The following PRKCH variants were observed in gnomAD, a reference collection of about 807,000 sequenced individuals.
PRKCH encodes protein kinase C eta.
In PRKCH, 28 loss-of-function variants were observed where a neutral mutation model predicts 82.5. The ratio of observed to expected loss-of-function variants is 0.34; its 90% CI spans 0.25 to 0.47. The LOEUF (loss-of-function observed/expected upper bound fraction) is 0.47, where lower values mean the gene tolerates loss of function less well. Ranked by LOEUF, PRKCH falls within the 20% of genes least tolerant of loss-of-function variation. The pLI, the probability that PRKCH is intolerant of heterozygous loss-of-function variation, is 1.00. For synonymous variants in PRKCH, 322 were observed against 327.4 expected (o/e 0.98, Z 0.18); for missense variants, 705 against 881.8 (o/e 0.80, Z 2.54).
At chr14:61,426,731 C>G (rs1251847624) in intron 2 of PRKCH, among the ~76,000 whole-genome samples, 1 of 152,100 alleles carries the variant, frequency 6.6e-6, no homozygotes, top group Non-Finnish European at 1.5e-5. Flanking sequence ...AAATTTTCAC[C>G]TACAATTATA....
At chr14:61,519,093 G>C (rs933363977) in intron 10 of PRKCH, among the ~76,000 whole-genome samples, 1 of 152,084 alleles carries the variant, frequency 6.6e-6, no homozygotes, top group African/African-American at 2.4e-5. Flanking sequence ...GACCAGCCTG[G>C]GCAATATAGC....
At chr14:61,386,452 G>A (rs937257699) in intron 1 of PRKCH, among the ~76,000 whole-genome samples, 1 of 152,202 alleles carries the variant, frequency 6.6e-6, no homozygotes, top group African/African-American at 2.4e-5. Context: ...AGTAGGAGTG[G>A]AGCAGGGGTA....
chr14:61,356,512 A>T (rs950423813), intron 1 of PRKCH, among the ~76,000 whole-genome samples: 2 of 152,148 alleles, frequency 1.3e-5, no homozygotes, highest in Admixed American at 1.3e-4. Context: ...GGCTTTGACA[A>T]TGGCATATTT....
intron 1 of PRKCH, among the ~76,000 whole-genome samples, chr14:61,383,701 G>A (rs1315347353): frequency 5.9e-5 from 9 of 151,968 alleles, no homozygotes; most frequent in Non-Finnish European, 1.5e-5. Context: ...TGAATGAATA[G>A]ATAGGTGCGG....
intron 1 of PRKCH, among the ~76,000 whole-genome samples, chr14:61,215,720 C>T (rs2044611488): frequency 6.6e-6 from 1 of 152,212 alleles, no homozygotes; most frequent in South Asian, 2.1e-4. Flanking sequence ...CCTTTCAGGG[C>T]TTGCCATGTT....
At chr14:61,213,284 G>T (rs1396707302) in intron 1 of PRKCH, among the ~76,000 whole-genome samples, 1 of 152,112 alleles carries the variant, frequency 6.6e-6, no homozygotes, top group Non-Finnish European at 1.5e-5. Flanking sequence ...GAAGAGTCTT[G>T]GTTTTTGTCC....
At chr14:61,506,394 T>C (rs7158862) in intron 10 of PRKCH, among the ~76,000 whole-genome samples, 2,300 of 152,166 alleles carry the variant, frequency 0.015, 63 homozygotes, top group African/African-American at 0.053. Flanking sequence ...CCAGCTCTGA[T>C]TGAAGTCAGG....
chr14:61,242,171 C>A (rs556145753), intron 1 of PRKCH, among the ~76,000 whole-genome samples: 36 of 152,178 alleles, frequency 2.4e-4, no homozygotes, highest in Middle Eastern at 6.8e-3. Context: ...CTTAGAGTGA[C>A]AATGGAGCAG....
At chr14:61,374,889 G>A (rs2046410952) in intron 1 of PRKCH, among the ~76,000 whole-genome samples, 1 of 152,096 alleles carries the variant, frequency 6.6e-6, no homozygotes, top group South Asian at 2.1e-4. Flanking sequence ...AATTCCTGCA[G>A]CTGGCTTGAA....
At chr14:61,442,570 A>G (rs1884029138) in intron 2 of PRKCH, 1 of 152,406 alleles carries the variant, frequency 6.6e-6, no homozygotes, top group African/African-American at 2.4e-5. Flanking sequence ...GCTACAAGAG[A>G]TTGGCCCATG....
intron 2 of PRKCH, among the ~76,000 whole-genome samples, chr14:61,391,790 G>T (rs2046686841): frequency 6.6e-6 from 1 of 152,034 alleles, no homozygotes; most frequent in South Asian, 2.1e-4. Flanking sequence ...TTTATATGGG[G>T]GTGAAATGAT....
intron 1 of PRKCH, among the ~76,000 whole-genome samples, chr14:61,229,676 A>G (rs114843442): frequency 0.013 from 2,022 of 152,302 alleles, 50 homozygotes; most frequent in African/African-American, 0.047. Context: ...ACTTTTCCAG[A>G]GTGAGAGGCT....
At chr14:61,394,775 G>A (rs1178198599) in intron 2 of PRKCH, among the ~76,000 whole-genome samples, 1 of 152,196 alleles carries the variant, frequency 6.6e-6, no homozygotes, top group Non-Finnish European at 1.5e-5. Context: ...TTGCAGTTGT[G>A]TCTTTCAGAG....
At chr14:61,402,843 T>A (rs1190486077) in intron 2 of PRKCH, among the ~76,000 whole-genome samples, 2 of 151,398 alleles carry the variant, frequency 1.3e-5, no homozygotes, top group African/African-American at 2.4e-5. Context: ...GCTGTCTTTT[T>A]TTTTAATTAA....
At chr14:61,357,543 A>T (rs1452533296) in intron 1 of PRKCH, among the ~76,000 whole-genome samples, 1 of 152,096 alleles carries the variant, frequency 6.6e-6, no homozygotes, top group African/African-American at 2.4e-5. Flanking sequence ...CCAATGTGTT[A>T]CTGTCTCTTT....
intron 10 of PRKCH, among the ~76,000 whole-genome samples, chr14:61,487,046 G>T (rs1018005732): frequency 6.6e-6 from 1 of 152,186 alleles, no homozygotes; most frequent in Non-Finnish European, 1.5e-5. Context: ...GTCAAAATAG[G>T]AAGAGAACAA....
intron 1 of PRKCH, among the ~76,000 whole-genome samples, chr14:61,262,295 A>C (rs1230209661): frequency 6.6e-6 from 1 of 152,030 alleles, no homozygotes; most frequent in African/African-American, 2.4e-5. Context: ...ACGTCCATTC[A>C]TAGTAGAAAG....
chr14:61,286,632 C>T (rs1343065173), intron 1 of PRKCH, among the ~76,000 whole-genome samples: 2 of 151,808 alleles, frequency 1.3e-5, no homozygotes, highest in Non-Finnish European at 2.9e-5. Flanking sequence ...CAAAATTAGC[C>T]GGGTATGGTG....
intron 1 of PRKCH, among the ~76,000 whole-genome samples, chr14:61,218,040 G>A (rs1400347664): frequency 6.6e-6 from 1 of 152,070 alleles, no homozygotes; most frequent in Admixed American, 6.6e-5. Context: ...GGAACTACTC[G>A]GACCCGGCGC....
Sources: allele counts gnomAD v4.1 joint callset (sites outside exome capture counted in the v4.1 genomes callset), GRCh38; gene constraint gnomAD v4.1.1; transcripts MANE v1.5; gene names NCBI Gene and HGNC (gene_info 2026-07-23, HGNC 2026-07-21).